Variants in IL15 observed in about 807,000 individuals in gnomAD.
The protein encoded by IL15 is interleukin 15.
In IL15, 11 loss-of-function variants were observed where a neutral mutation model predicts 19.6. The ratio of observed to expected loss-of-function variants is 0.56; its 90% CI spans 0.35 to 0.93. The LOEUF is 0.93. Ranked by LOEUF, IL15 falls within the 40% of genes least tolerant of loss-of-function variation. The pLI, the probability that IL15 is intolerant of heterozygous loss-of-function variation, is 0.01. For missense variants in IL15, 197 were observed against 186.5 expected (o/e 1.06, Z -0.33); for synonymous variants, 58 against 59.6 (o/e 0.97, Z 0.12).
At chr4:141,656,367 CTAA>C in intron 2 of IL15, 60 bp downstream of exon 2, 1 of 396,574 alleles carries the variant, frequency 2.5e-6, no homozygotes, top group East Asian at 3.6e-5. Context: ...AATAGCATAA[CTAA>C]TAATAAGGAA....
intron 2 of IL15, among the ~76,000 whole-genome samples, chr4:141,662,562 A>G (rs998264843): frequency 6.6e-5 from 10 of 152,084 alleles, no homozygotes; most frequent in African/African-American, 2.4e-4. Context: ...TCTCTGTGTT[A>G]TGTATGTGCA....
At chr4:141,701,882 T>C (rs72712427) in intron 2 of IL15, among the ~76,000 whole-genome samples, 21,623 of 152,238 alleles carry the variant, frequency 0.14, 1,658 homozygotes, top group African/African-American at 0.18. Flanking sequence ...GGAATGTTGA[T>C]GCTCCAAGTA....
intron 2 of IL15, among the ~76,000 whole-genome samples, chr4:141,704,093 T>C (rs1301159492): frequency 6.6e-6 from 1 of 152,180 alleles, no homozygotes; most frequent in African/African-American, 2.4e-5. Flanking sequence ...CAGTACTATG[T>C]TGAATAGAAG....
chr4:141,676,416 C>G (rs1728344624), intron 2 of IL15, among the ~76,000 whole-genome samples: 1 of 152,100 alleles, frequency 6.6e-6, no homozygotes, highest in African/African-American at 2.4e-5. Flanking sequence ...CCTTGGCCAC[C>G]CAGAACTCCA....
chr4:141,648,561 C>T (rs1421674204), intron 1 of IL15, among the ~76,000 whole-genome samples: 1 of 151,916 alleles, frequency 6.6e-6, no homozygotes, highest in East Asian at 1.9e-4. Flanking sequence ...AGTGTCTCTT[C>T]TCCTGAGGGT....
intron 5 of IL15, among the ~76,000 whole-genome samples, chr4:141,724,064 T>C (rs948316670): frequency 1.3e-5 from 2 of 152,146 alleles, no homozygotes; most frequent in African/African-American, 2.4e-5. Flanking sequence ...AAATATATAC[T>C]GAGCCATAAA....
intron 7 of IL15, among the ~76,000 whole-genome samples, chr4:141,732,105 A>G (rs1419191206): frequency 1.3e-5 from 2 of 152,176 alleles, no homozygotes; most frequent in Admixed American, 6.6e-5. Flanking sequence ...AATAGAATAC[A>G]TGACATATTG....
At chr4:141,731,498 G>A (rs949610537) in intron 7 of IL15, among the ~76,000 whole-genome samples, 5 of 152,008 alleles carry the variant, frequency 3.3e-5, no homozygotes, top group East Asian at 3.9e-4. Flanking sequence ...AGTGAGCCAC[G>A]CAACAGGTAA....
At chr4:141,685,333 G>C (rs1728674429) in intron 2 of IL15, among the ~76,000 whole-genome samples, 1 of 152,128 alleles carries the variant, frequency 6.6e-6, no homozygotes, top group Non-Finnish European at 1.5e-5. Context: ...TTTTTGAAAA[G>C]GTTGAAAAGC....
At chr4:141,638,717 G>T (rs112949913) in intron 1 of IL15, among the ~76,000 whole-genome samples, 3,125 of 152,274 alleles carry the variant, frequency 0.021, 111 homozygotes, top group African/African-American at 0.071. Context: ...AGGTTTTAAA[G>T]CCTACGGGAT....
intron 1 of IL15, among the ~76,000 whole-genome samples, chr4:141,653,511 T>A (rs1039959380): frequency 6.6e-6 from 1 of 152,188 alleles, no homozygotes; most frequent in Non-Finnish European, 1.5e-5. Context: ...AAATGTTTTG[T>A]GCAGACACAC....
At chr4:141,718,619 T>A (rs1440496681) in intron 2 of IL15, 1 of 152,220 alleles carries the variant, frequency 6.6e-6, no homozygotes, top group African/African-American at 2.4e-5. Context: ...ACAATACATT[T>A]TAAAGCAGCC....
chr4:141,676,572 G>C (rs920269873), intron 2 of IL15, among the ~76,000 whole-genome samples: 1 of 152,184 alleles, frequency 6.6e-6, no homozygotes. Flanking sequence ...ACATGAAAGA[G>C]AGCCCTGATA....
At chr4:141,664,451 A>G (rs78891547) in intron 2 of IL15, among the ~76,000 whole-genome samples, 1,634 of 152,084 alleles carry the variant, frequency 0.011, 29 homozygotes, top group East Asian at 0.075. Context: ...TGGGAAAAAT[A>G]TTTACTTCTC....
intron 2 of IL15, among the ~76,000 whole-genome samples, chr4:141,682,542 AT>A (rs1475664673): frequency 2.0e-5 from 3 of 152,224 alleles, no homozygotes; most frequent in African/African-American, 7.2e-5. Flanking sequence ...ACATTAAAAA[AT>A]GTGCCAACTC....
At position 141,704,726 on chromosome 4, in the gene IL15, A is replaced by G. The variant is rs534989978; in HGVS notation, c.-99-14640A>G. On this transcript the variant is annotated intron_variant, in intron 2 of 7. Transcript: ENST00000320650. Reference sequence around the variant, plus strand: ...TAGTGATAATAATAAATAATAATTTATATTAATTGTTATTAATTTCTTTAC... The same window carrying G: ...TAGTGATAATAATAAATAATAATTTGTATTAATTGTTATTAATTTCTTTAC... 6.1e-5 allele frequency: 11 copies of G among 180,684 alleles called. No individual in the cohort carries two copies. The East Asian group carries it at 1.9e-3, about 31-fold the overall frequency. 11.2% of individuals were successfully genotyped at this position (180,684 alleles called of 1,614,324 possible).
chr4:141,719,417 A>G lies in IL15; in HGVS notation c.-48A>G, dbSNP rs770806871. ...GGATGGCTGCTGGAAACCCCTTGCC[A>G]TAGCCAGCTCTTCTTCAATACTTAA... is the stretch of plus-strand genomic sequence containing the variant. On this transcript the variant is annotated 5_prime_UTR_variant, in exon 3 of 8. Coordinates refer to ENST00000320650, the MANE Select transcript of IL15 (RefSeq NM_000585.5). The G allele has an allele frequency of 2.5e-6, 2 of 801,358 alleles. No homozygotes were observed. The highest frequency in any genetic ancestry group is 1.7e-5 in the African/African-American group (1 of 58,552). The allele number at this position is 801,358 out of a possible 1,614,324, so 49.6% of individuals were successfully genotyped here.
intron 2 of IL15, among the ~76,000 whole-genome samples, chr4:141,662,721 T>C (rs1284372868): frequency 2.6e-5 from 4 of 152,328 alleles, no homozygotes; most frequent in Non-Finnish European, 4.4e-5. Flanking sequence ...ATTTTTTTTC[T>C]GTTTGACTCA....
intron 7 of IL15, 55 bp downstream of exon 7, chr4:141,730,039 G>C: frequency 1.4e-6 from 2 of 1,408,932 alleles, no homozygotes; most frequent in Non-Finnish European, 2.0e-6. Context: ...GCCTGATTTG[G>C]AGAAGTCATT....
Sources: gnomAD v4.1 joint callset for allele counts (sites outside exome capture counted in the v4.1 genomes callset) on GRCh38, gnomAD v4.1.1 for gene constraint, MANE v1.5 for transcripts, NCBI Gene and HGNC (gene_info 2026-07-23, HGNC 2026-07-21) for gene names.